Variants in CKAP5 observed in about 807,000 individuals in gnomAD.
CKAP5 encodes the protein cytoskeleton-associated protein 5.
Under a neutral mutation model 232.8 loss-of-function variants are expected in CKAP5, and 27 were observed. That is an observed-to-expected ratio of 0.12 (90% CI 0.09 to 0.16). CKAP5 has a LOEUF of 0.16. Ranked by LOEUF, CKAP5 falls within the 10% of genes least tolerant of loss-of-function variation. CKAP5 has a pLI of 1.00. For missense variants in CKAP5, 1,838 were observed against 2,424.7 expected (o/e 0.76, Z 5.08); for synonymous variants, 785 against 841.1 (o/e 0.93, Z 1.16).
chr11:46,831,293 T>G (rs1046329043), intron 1 of CKAP5, among the ~76,000 whole-genome samples: 6 of 152,300 alleles, frequency 3.9e-5, no homozygotes, highest in African/African-American at 1.4e-4. Flanking sequence ...TGATAAATAA[T>G]GCTTTTAAAA....
intron 3 of CKAP5, among the ~76,000 whole-genome samples, chr11:46,816,878 G>A (rs914726896): frequency 8.6e-5 from 13 of 151,258 alleles, no homozygotes; most frequent in Non-Finnish European, 1.6e-4. Context: ...AGGCTGAGGC[G>A]GGTGGATCAC....
intron 3 of CKAP5, among the ~76,000 whole-genome samples, chr11:46,816,960 C>T (rs919853468): frequency 1.3e-5 from 2 of 151,888 alleles, no homozygotes; most frequent in South Asian, 2.1e-4. Context: ...TACAAAATTA[C>T]TCAGGTGTGG....
intron 42 of CKAP5, among the ~76,000 whole-genome samples, chr11:46,746,813 G>T (rs988834837): frequency 8.5e-5 from 13 of 152,184 alleles, no homozygotes; most frequent in African/African-American, 3.1e-4. Context: ...GACAGCTATG[G>T]TATCATCAGG....
intron 1 of CKAP5, among the ~76,000 whole-genome samples, chr11:46,832,834 G>A (rs1939823263): frequency 6.6e-6 from 1 of 152,094 alleles, no homozygotes; most frequent in South Asian, 2.1e-4. Context: ...GCATGCGCCT[G>A]TAGTCTCAGT....
At chr11:46,797,509 C>G (rs754616252) in intron 11 of CKAP5, among the ~76,000 whole-genome samples, 5 of 152,182 alleles carry the variant, frequency 3.3e-5, no homozygotes, top group Non-Finnish European at 7.3e-5. Flanking sequence ...AAATGATCTT[C>G]AAATACTCCA....
Position 46,808,140 on chromosome 11 carries a change from G to A in CKAP5, c.869C>T (p.Ala290Val). 1 of 1,607,950 alleles carries A rather than the reference G, an allele frequency of 6.2e-7. No homozygotes were observed. The highest frequency in any genetic ancestry group is 8.5e-7 in the Non-Finnish European group (1 of 1,176,022). Residue 290 changes from alanine to valine, a missense_variant, in exon 8 of 44, where the codon GCA becomes GTA. By Grantham distance (64) the Ala-to-Val change is moderately conservative (BLOSUM62 0). This residue lies in a region of CKAP5 where 97 missense variants were observed against 167.7 expected (regional missense o/e 0.58). Transcript: ENST00000529230. Reference sequence around the variant, plus strand: ...CTCTTTTCTCTCTTGCCATTTTTTTGCCTCCTGCAAGATACAATATGAGTC... The same window carrying A: ...CTCTTTTCTCTCTTGCCATTTTTTTACCTCCTGCAAGATACAATATGAGTC... ...LPKDFYDKIE[A>V]KKWQERKEAL... is the part of the protein sequence containing the mutation.
At position 46,804,817 on chromosome 11, in the gene CKAP5, C is replaced by T. The variant is rs1011958209; in HGVS notation, c.978+3214G>A. Among the ~76,000 whole-genome samples, 6 of 151,172 alleles carry T rather than the reference C, an allele frequency of 4.0e-5. No individual in the cohort carries two copies. In the South Asian group the frequency reaches 8.3e-4, roughly 21 times the overall value. On this transcript the variant is annotated intron_variant, in intron 8 of 43. Coordinates refer to ENST00000529230, the MANE Select transcript of CKAP5 (RefSeq NM_001008938.4). ...CTAAAGATTATATAAGAAAGCACTT[C>T]GAAAATCCAAATCTTAATGTAAAGA...
At chr11:46,821,290 C>A (rs7106323) in intron 1 of CKAP5, 22 bp from the exon 2 acceptor site, 120,928 of 1,233,896 alleles carry the variant, frequency 0.098, 8,325 homozygotes, top group African/African-American at 0.33. Flanking sequence ...AAGGTAGAAA[C>A]CTGCTTAGCA....
rs201703341 is a variant in CKAP5 at position 46,791,245 on chromosome 11, GTT to G, written c.1651-664_1651-663del. ...CTTTATTTTTTTTACATTTATTTGG[GTT>G]TTTTTTTTTTTTTGTTTTCTGAGAC... On this transcript the variant is annotated intron_variant, in intron 13 of 43. Coordinates refer to ENST00000529230, the MANE Select transcript of CKAP5 (RefSeq NM_001008938.4). 1.0e-4 allele frequency among the ~76,000 whole-genome samples: 15 copies of G among 145,096 alleles called. No individual in the cohort carries two copies. In the East Asian group the frequency reaches 1.7e-3, roughly 16 times the overall value.
chr11:46,762,378 G>T (rs773805084), intron 31 of CKAP5, 185 bp from the exon 32 acceptor site: 3 of 863,412 alleles, frequency 3.5e-6, no homozygotes, highest in Non-Finnish European at 5.9e-6. Flanking sequence ...CTCCTGAAAG[G>T]AAGAGATGCC....
chr11:46,753,294 G>T lies in CKAP5; in HGVS notation c.5057+16C>A. The T allele has an allele frequency of 1.3e-6, 2 of 1,577,466 alleles. No individual in the cohort carries two copies. The highest frequency in any genetic ancestry group is 2.3e-5 in the South Asian group (2 of 86,628). ...GAGGATGCCCCAGGCTCTATTGGCT[G>T]AGAGTACAGATATACCTCAGGATGT... On this transcript the variant is annotated intron_variant, in intron 37 of 43. Coordinates refer to ENST00000529230, the MANE Select transcript of CKAP5 (RefSeq NM_001008938.4).
At position 46,804,540 on chromosome 11, in the gene CKAP5, T is replaced by C. The variant is rs79007898; in HGVS notation, c.979-3236A>G. On this transcript the variant is annotated intron_variant, in intron 8 of 43. Coordinates refer to ENST00000529230, the MANE Select transcript of CKAP5 (RefSeq NM_001008938.4). Reference sequence around the variant, plus strand: ...GTACAGTTTTAAGTGCTGTCACTTTTCTCATAAATTGAGGCCTACAGTATT... The same window carrying C: ...GTACAGTTTTAAGTGCTGTCACTTTCCTCATAAATTGAGGCCTACAGTATT... Among the ~76,000 whole-genome samples the C allele has an allele frequency of 3.2e-4, 49 of 152,364 alleles. 1 individual carries two copies. In the East Asian group the frequency reaches 9.4e-3, roughly 29 times the overall value.
chr11:46,800,828 T>C lies in CKAP5; in HGVS notation c.1083+372A>G, dbSNP rs1472224812. Among the ~76,000 whole-genome samples, 4 of 152,344 alleles carry C rather than the reference T, an allele frequency of 2.6e-5. No individual in the cohort carries two copies. The East Asian group carries it at 7.7e-4, about 29-fold the overall frequency. On this transcript the variant is annotated intron_variant, in intron 9 of 43. Coordinates refer to ENST00000529230, the MANE Select transcript of CKAP5 (RefSeq NM_001008938.4). ...TACATTTATAGTTTTACATTGCCTT[T>C]CCGACTCTCATTTTCATTCTGGTCC...
At chr11:46,819,378 G>T (rs1260549032) in intron 2 of CKAP5, among the ~76,000 whole-genome samples, 1 of 152,098 alleles carries the variant, frequency 6.6e-6, no homozygotes, top group Non-Finnish European at 1.5e-5. Flanking sequence ...GGAGAGGATT[G>T]GAAAAGGCCA....
chr11:46,826,170 G>C (rs1939647372), intron 1 of CKAP5, among the ~76,000 whole-genome samples: 1 of 152,208 alleles, frequency 6.6e-6, no homozygotes, highest in African/African-American at 2.4e-5. Context: ...GAGGGGTAAA[G>C]AGCTGTCTCT....
intron 4 of CKAP5, among the ~76,000 whole-genome samples, chr11:46,813,588 G>T (rs1384172276): frequency 6.6e-6 from 1 of 152,092 alleles, no homozygotes; most frequent in Non-Finnish European, 1.5e-5. Context: ...GCAAGCTCTG[G>T]AACCCAGGAT....
intron 12 of CKAP5, 34 bp from the exon 13 acceptor site, chr11:46,795,810 C>T: frequency 1.3e-6 from 2 of 1,568,204 alleles, no homozygotes; most frequent in African/African-American, 1.4e-5. Flanking sequence ...CATCATTAAG[C>T]CCAACTTTGA....
At position 46,811,021 on chromosome 11, in the gene CKAP5, T is replaced by C. The variant is rs758635342; in HGVS notation, c.616A>G (p.Ile206Val). 6.2e-7 allele frequency: 1 copy of C among 1,612,362 alleles called. No individual in the cohort carries two copies. Among genetic ancestry groups the C allele is most frequent in the Non-Finnish European group, 8.5e-7 (1 of 1,179,504 alleles). ...TTTTGTCTCACCTGAACAGAGTTTA[T>C]ATTTTGTAATGGGGGTCTCAGAGCA... is the stretch of plus-strand genomic sequence containing the variant. Reference protein sequence around the residue: ...RDALRPPLQNINSVQLKELEE... With the variant: ...RDALRPPLQNVNSVQLKELEE... Residue 206 changes from isoleucine to valine, a missense_variant, in exon 5 of 44, where the codon ATA becomes GTA. Transcript: ENST00000529230.
At chr11:46,758,142 CATG>C (rs1330154198) in intron 35 of CKAP5, among the ~76,000 whole-genome samples, 1 of 152,164 alleles carries the variant, frequency 6.6e-6, no homozygotes, top group East Asian at 1.9e-4. Context: ...TAAAGCCCTA[CATG>C]ATATGATCAC....
Sources: allele counts gnomAD v4.1 joint callset (sites outside exome capture counted in the v4.1 genomes callset), GRCh38; gene constraint gnomAD v4.1.1; regional missense constraint gnomAD v4.1.1; transcripts MANE v1.5; gene names NCBI Gene and HGNC (gene_info 2026-07-23, HGNC 2026-07-21).